USP4: variants seen among roughly 807,000 people sequenced by gnomAD.
USP4 encodes the protein ubiquitin carboxyl-terminal hydrolase 4.
Under a neutral mutation model 118.2 loss-of-function variants are expected in USP4, and 72 were observed. The observed-to-expected ratio is 0.61, with a 90% CI of 0.50 to 0.74. The LOEUF (loss-of-function observed/expected upper bound fraction) is 0.74. Among genes scored for constraint, USP4 ranks in the 30% least tolerant of loss-of-function variants. USP4 has a pLI of 0.00. For synonymous variants in USP4, 415 were observed against 440.4 expected (o/e 0.94, Z 0.72); for missense variants, 1,037 against 1,185.7 (o/e 0.87, Z 1.84).
rs763291844 is a variant in USP4 at position 49,297,969 on chromosome 3, G to C, written c.1597-5C>G. 2 of 1,602,414 alleles carry C rather than the reference G, an allele frequency of 1.2e-6. No individual in the cohort carries two copies. The highest frequency in any genetic ancestry group is 4.5e-5 in the East Asian group (2 of 44,816). ...ATACACATCTGCGACCACCATCTAA[G>C]AATGAACAGTAACAGAAAGACCACA... On this transcript the variant is annotated splice_polypyrimidine_tract_variant and splice_region_variant and intron_variant, in intron 12 of 21. Transcript: ENST00000265560.
At chr3:49,307,582 C>T (rs904388267) in intron 8 of USP4, among the ~76,000 whole-genome samples, 5 of 151,976 alleles carry the variant, frequency 3.3e-5, no homozygotes, top group Non-Finnish European at 5.9e-5. Context: ...AGCCACTGTG[C>T]CCAGCCAGAT....
At chr3:49,283,008 C>CTTTTTTTT in intron 19 of USP4, among the ~76,000 whole-genome samples, 1 of 78,264 alleles carries the variant, frequency 1.3e-5, no homozygotes, top group Non-Finnish European at 2.5e-5. Context: ...GTGCCGGCCT[C>CTTTTTTTT]TTTTTTTTTT....
chr3:49,333,461 G>A (rs1223631386), intron 2 of USP4, among the ~76,000 whole-genome samples: 5 of 151,976 alleles, frequency 3.3e-5, no homozygotes, highest in Admixed American at 6.6e-5. Context: ...AACCTATTTC[G>A]GCTTCCTTAA....
At chr3:49,286,019 G>A in intron 16 of USP4, 79 bp downstream of exon 16, 1 of 1,373,092 alleles carries the variant, frequency 7.3e-7, no homozygotes, top group Non-Finnish European at 1.0e-6. Context: ...GCCCAATGCA[G>A]TGAGTGTCAA....
intron 6 of USP4, chr3:49,318,750 A>C (rs955500446): frequency 9.2e-5 from 32 of 346,028 alleles, no homozygotes; most frequent in Non-Finnish European, 1.3e-4. Flanking sequence ...CTCTACTAAA[A>C]ATACAAAAAA....
intron 1 of USP4, among the ~76,000 whole-genome samples, chr3:49,336,165 C>CTTTTTTTTTTTTTTTT: frequency 1.2e-5 from 1 of 83,000 alleles, no homozygotes; most frequent in Non-Finnish European, 2.2e-5. Context: ...CACCTGGCCT[C>CTTTTTTTTTTTTTTTT]TTTTTTTTTT....
chr3:49,295,793 T>C (rs949045605), intron 13 of USP4, among the ~76,000 whole-genome samples: 1 of 151,692 alleles, frequency 6.6e-6, no homozygotes, highest in African/African-American at 2.4e-5. Flanking sequence ...AAGGAGGAAT[T>C]TCTAATACAT....
intron 11 of USP4, among the ~76,000 whole-genome samples, chr3:49,300,138 T>C (rs2047249723): frequency 1.3e-5 from 2 of 151,930 alleles, no homozygotes; most frequent in Admixed American, 1.3e-4. Context: ...TCCCGGCTAC[T>C]GAGTGGCTGA....
At position 49,324,924 on chromosome 3, in the gene USP4, A is replaced by G; in HGVS notation, c.603T>C (p.Thr201=). Residue 201 remains threonine, a synonymous_variant, in exon 5 of 22, where the codon ACT becomes ACC. Coordinates refer to ENST00000265560, the MANE Select transcript of USP4 (RefSeq NM_003363.4). ...CCTGGTATAGCCCAGCATCCTGGAC[A>G]GTGTTGTCTAGCTTGCTCAACTGCT... The part of the protein sequence containing the change: ...TYEQLSKLDN[T]VQDAGLYQGQ... 2 of 1,614,092 alleles carry G rather than the reference A, an allele frequency of 1.2e-6. No individual in the cohort carries two copies. Among genetic ancestry groups the G allele is most frequent in the Non-Finnish European group, 1.7e-6 (2 of 1,180,022 alleles).
chr3:49,294,356 T>G, intron 14 of USP4, 51 bp downstream of exon 14: 2 of 1,560,200 alleles, frequency 1.3e-6, no homozygotes, highest in Non-Finnish European at 1.7e-6. Context: ...CTACTATTAC[T>G]GGGTATATCT....
chr3:49,287,535 C>G (rs1405748914), intron 15 of USP4, among the ~76,000 whole-genome samples: 1 of 151,352 alleles, frequency 6.6e-6, no homozygotes, highest in Non-Finnish European at 1.5e-5. Flanking sequence ...TACATTGGTG[C>G]AATCTCGGCT....
intron 20 of USP4, among the ~76,000 whole-genome samples, chr3:49,280,057 G>A (rs2047001735): frequency 6.6e-6 from 1 of 152,062 alleles, no homozygotes; most frequent in Non-Finnish European, 1.5e-5. Flanking sequence ...GAGCCCAGGA[G>A]TTCAAGACCA....
In USP4 at chr3:49,277,838, A is replaced by G. The variant is rs1483763731; in HGVS notation, c.*455T>C. ...CCCATATCAGTGCACATAGCGAGGG[A>G]AAGGGGAGTTTACTTGAGGTTTGGG... On this transcript the variant is annotated 3_prime_UTR_variant, in exon 22 of 22. Coordinates refer to ENST00000265560, the MANE Select transcript of USP4 (RefSeq NM_003363.4). 39 of 298,692 alleles carry G rather than the reference A, an allele frequency of 1.3e-4. No individual in the cohort carries two copies. Among genetic ancestry groups the G allele is most frequent in the Non-Finnish European group, 2.3e-4 (37 of 164,168 alleles). 18.5% of individuals were successfully genotyped at this position (298,692 alleles called of 1,614,324 possible). A position where few individuals can be genotyped will look rare whatever the true frequency, so the allele number is the denominator to read the frequency against.
In USP4 at chr3:49,277,259, G is replaced by A. The variant is rs1158722789; in HGVS notation, c.*1034C>T. 10 of 1,295,020 alleles carry A rather than the reference G, an allele frequency of 7.7e-6. No individual in the cohort carries two copies. In the South Asian group the frequency reaches 1.1e-4, roughly 14 times the overall value. The allele number at this position is 1,295,020 out of a possible 1,614,324, so 80.2% of individuals were successfully genotyped here. On this transcript the variant is annotated 3_prime_UTR_variant, in exon 22 of 22. Coordinates refer to ENST00000265560, the MANE Select transcript of USP4 (RefSeq NM_003363.4). ...CCCCGCGCAGGCCCCAAACCCCCAC[G>A]GATTAGGTTGAAGGTCAGACAAAAA...
At chr3:49,279,589 T>G (rs1418312523) in intron 20 of USP4, among the ~76,000 whole-genome samples, 6 of 152,218 alleles carry the variant, frequency 3.9e-5, no homozygotes, top group African/African-American at 1.4e-4. Flanking sequence ...ATGTGTTTAT[T>G]ACAGCAATCC....
At position 49,286,189 on chromosome 3, in the gene USP4, T is replaced by G; in HGVS notation, c.2109A>C (p.Pro703=). ...CAAGACTGAAGGTAAAAAGCCTTTTTGGGCAGGGCTGGCCTTTGATCTTCT... is the reference window on the plus strand; with the variant it reads ...CAAGACTGAAGGTAAAAAGCCTTTTGGGGCAGGGCTGGCCTTTGATCTTCT... ...TQKKIKGQPC[P]KRLFTFSLVN... is the part of the protein sequence containing the mutation. Residue 703 remains proline (P), a synonymous_variant, in exon 16 of 22, where the codon CCA becomes CCC. Transcript: ENST00000265560. 1.9e-6 allele frequency: 3 copies of G among 1,614,182 alleles called. No homozygotes were observed. Among genetic ancestry groups the G allele is most frequent in the South Asian group, 1.1e-5 (1 of 91,086 alleles).
At chr3:49,282,623 G>A (rs1016788948) in intron 19 of USP4, among the ~76,000 whole-genome samples, 3 of 151,726 alleles carry the variant, frequency 2.0e-5, no homozygotes, top group Non-Finnish European at 2.9e-5. Context: ...ATCACCTGGC[G>A]TCTCCTGCTG....
intron 8 of USP4, among the ~76,000 whole-genome samples, chr3:49,309,406 GAATT>G (rs2047356494): frequency 6.6e-6 from 1 of 152,002 alleles, no homozygotes; most frequent in South Asian, 2.1e-4. Context: ...AATATTTGAT[GAATT>G]AATAAACAAG....
At chr3:49,317,711 T>G (rs932644292) in intron 6 of USP4, among the ~76,000 whole-genome samples, 6 of 151,018 alleles carry the variant, frequency 4.0e-5, no homozygotes, top group Non-Finnish European at 7.4e-5. Context: ...CCGTGGTGTT[T>G]TTTTTTTTTT....
Sources: gnomAD v4.1 joint callset for allele counts (sites outside exome capture counted in the v4.1 genomes callset) on GRCh38, gnomAD v4.1.1 for gene constraint, MANE v1.5 for transcripts, NCBI Gene and HGNC (gene_info 2026-07-23, HGNC 2026-07-21) for gene names.